The following SPATA6 variants were observed in gnomAD, a reference collection of about 807,000 sequenced individuals.
SPATA6 encodes the protein spermatogenesis associated 6.
SPATA6 carries 56 observed loss-of-function variants against 65.3 expected under a neutral mutation model. That is an observed-to-expected ratio of 0.86 (90% CI 0.69 to 1.07). SPATA6 has a LOEUF of 1.07. SPATA6 is among the 50% of genes least tolerant of loss of function. The probability of loss-of-function intolerance (pLI) is 0.00; values close to 1 mark genes in which losing one functional copy is unlikely to be tolerated. For synonymous variants in SPATA6, 199 were observed against 213.2 expected (o/e 0.93, Z 0.58); for missense variants, 590 against 594.8 (o/e 0.99, Z 0.08).
At chr1:48,368,972 G>A (rs1482875967) in intron 9 of SPATA6, among the ~76,000 whole-genome samples, 7 of 152,108 alleles carry the variant, frequency 4.6e-5, no homozygotes, top group African/African-American at 7.2e-5. Context: ...ATGGGTTTTT[G>A]GTGTGGATGT....
the SPATA6 span, among the ~76,000 whole-genome samples, chr1:48,270,649 G>A: frequency 0.12 from 18,426 of 151,668 alleles, 1,416 homozygotes; most frequent in East Asian, 0.43. Flanking sequence ...GAGTACAGAT[G>A]GCAGTCCTTA....
intron 6 of SPATA6, 83 bp downstream of exon 6, chr1:48,403,719 C>T (rs1454635910): frequency 8.8e-7 from 1 of 1,132,524 alleles, no homozygotes; most frequent in Non-Finnish European, 1.2e-6. Context: ...GAGCTGCAGC[C>T]AAAATAAATA....
chr1:48,382,448 G>A (rs1381671067), intron 9 of SPATA6, among the ~76,000 whole-genome samples: 2 of 140,002 alleles, frequency 1.4e-5, no homozygotes, highest in African/African-American at 5.5e-5. Context: ...TAGGGCGGCT[G>A]GCTGGGCGGG....
intron 1 of SPATA6, among the ~76,000 whole-genome samples, chr1:48,456,149 A>T (rs1284260718): frequency 6.6e-6 from 1 of 152,240 alleles, no homozygotes; most frequent in Non-Finnish European, 1.5e-5. Context: ...CAGAGTTGCA[A>T]ATGGCACCAG....
At chr1:48,317,444 G>A (rs948273213) in intron 11 of SPATA6, among the ~76,000 whole-genome samples, 5 of 151,560 alleles carry the variant, frequency 3.3e-5, no homozygotes, top group Non-Finnish European at 5.9e-5. Flanking sequence ...ACCAAACACC[G>A]CATGTTCTCA....
chr1:48,275,109 TG>T, the SPATA6 span, among the ~76,000 whole-genome samples: 2 of 152,222 alleles, frequency 1.3e-5, no homozygotes, highest in East Asian at 3.8e-4. Context: ...CAATTGTGAA[TG>T]GGAGTTCACT....
intron 1 of SPATA6, among the ~76,000 whole-genome samples, chr1:48,467,492 CA>C (rs1657899299): frequency 6.6e-6 from 1 of 151,996 alleles, no homozygotes; most frequent in Non-Finnish European, 1.5e-5. Context: ...GTAATGTCCA[CA>C]AAAAGATTTT....
chr1:48,460,393 C>T (rs1479479720), intron 1 of SPATA6, among the ~76,000 whole-genome samples: 1 of 152,136 alleles, frequency 6.6e-6, no homozygotes, highest in African/African-American at 2.4e-5. Flanking sequence ...TCTCAGCAAA[C>T]TCAGAAGGAA....
the SPATA6 span, among the ~76,000 whole-genome samples, chr1:48,283,620 AG>A: frequency 6.9e-6 from 1 of 144,752 alleles, no homozygotes; most frequent in African/African-American, 2.6e-5. Flanking sequence ...CGGAGTTTGC[AG>A]TAAGTCGAGA....
At chr1:48,347,121 T>C (rs951622969) in intron 11 of SPATA6, among the ~76,000 whole-genome samples, 3 of 151,758 alleles carry the variant, frequency 2.0e-5, no homozygotes, top group Non-Finnish European at 4.4e-5. Context: ...AACAGACACA[T>C]AGACCAATGG....
intron 8 of SPATA6, among the ~76,000 whole-genome samples, chr1:48,387,826 A>C (rs1250953602): frequency 2.0e-5 from 3 of 152,172 alleles, no homozygotes; most frequent in African/African-American, 7.2e-5. Flanking sequence ...AACACCTTCA[A>C]GCCTGGGGAC....
the SPATA6 span, among the ~76,000 whole-genome samples, chr1:48,286,189 T>C: frequency 6.6e-6 from 1 of 151,870 alleles, no homozygotes; most frequent in Non-Finnish European, 1.5e-5. Context: ...TTAGGAATTT[T>C]TTTTCTTTTT....
At chr1:48,380,971 T>A (rs1648502364) in intron 9 of SPATA6, among the ~76,000 whole-genome samples, 1 of 152,162 alleles carries the variant, frequency 6.6e-6, no homozygotes, top group African/African-American at 2.4e-5. Context: ...ATGTCTGGTT[T>A]CAGAATGAAA....
the SPATA6 span, among the ~76,000 whole-genome samples, chr1:48,289,748 T>C: frequency 1.2e-4 from 18 of 152,144 alleles, no homozygotes; most frequent in African/African-American, 4.3e-4. Context: ...GAAAGGGTGT[T>C]AGTGATTGAA....
chr1:48,274,105 G>A, the SPATA6 span, among the ~76,000 whole-genome samples: 1 of 152,096 alleles, frequency 6.6e-6, no homozygotes, highest in Non-Finnish European at 1.5e-5. Context: ...GTGATCATGA[G>A]CTTTTTTTCA....
chr1:48,313,804 T>C (rs571136662), intron 11 of SPATA6, among the ~76,000 whole-genome samples: 63 of 152,222 alleles, frequency 4.1e-4, no homozygotes, highest in East Asian at 2.1e-3. Flanking sequence ...AGACCCATCT[T>C]ATGTGCAGAG....
the SPATA6 span, among the ~76,000 whole-genome samples, chr1:48,280,474 G>C: frequency 6.6e-6 from 1 of 151,996 alleles, no homozygotes; most frequent in Non-Finnish European, 1.5e-5. Flanking sequence ...GAATCAAATA[G>C]ATGCAATAAA....
intron 3 of SPATA6, 21 bp from the exon 4 acceptor site, chr1:48,413,172 T>G: frequency 7.2e-7 from 1 of 1,392,384 alleles, no homozygotes; most frequent in Non-Finnish European, 9.4e-7. Context: ...AAAGAAAAAT[T>G]TCCTTAAATA....
chr1:48,379,053 G>C (rs1288680023), intron 9 of SPATA6, among the ~76,000 whole-genome samples: 2 of 152,134 alleles, frequency 1.3e-5, no homozygotes, highest in African/African-American at 2.4e-5. Context: ...TTTTCACACT[G>C]CTATAAAGAC....
Sources: allele counts gnomAD v4.1 joint callset (sites outside exome capture counted in the v4.1 genomes callset), GRCh38; gene constraint gnomAD v4.1.1; transcripts MANE v1.5; gene names NCBI Gene and HGNC (gene_info 2026-07-23, HGNC 2026-07-21).